RHBDD1: variants seen among roughly 807,000 people sequenced by gnomAD.
RHBDD1 encodes the protein rhomboid-related protein 4.
A neutral mutation model predicts 36.3 loss-of-function variants in RHBDD1; 38 were observed. That is an observed-to-expected ratio of 1.05 (90% CI 0.81 to 1.37). The LOEUF is 1.37. RHBDD1 is among the 40% of genes most tolerant of loss of function. The pLI, the probability that RHBDD1 is intolerant of heterozygous loss-of-function variation, is 0.00. For missense variants in RHBDD1, 393 were observed against 377.6 expected (o/e 1.04, Z -0.34); for synonymous variants, 151 against 136.5 (o/e 1.11, Z -0.74).
At chr2:226,892,578 G>C (rs1156723146) in intron 5 of RHBDD1, among the ~76,000 whole-genome samples, 1 of 152,184 alleles carries the variant, frequency 6.6e-6, no homozygotes, top group East Asian at 1.9e-4. Flanking sequence ...CATTTTCAAA[G>C]CTATACTTAA....
rs924104719 is a variant in RHBDD1 at position 226,956,207 on chromosome 2, C to T, written c.857-39224C>T. Among the ~76,000 whole-genome samples, 7 of 152,240 alleles carry T rather than the reference C, an allele frequency of 4.6e-5. No individual in the cohort carries two copies. In the South Asian group the frequency reaches 1.5e-3, roughly 32 times the overall value. On this transcript the variant is annotated intron_variant, in intron 8 of 8. Transcript: ENST00000392062. ...GGAGTCCCACTGTGAGTGAGTGGGA[C>T]TTGCTCAACTTGCTCCCACGCCCCA...
rs559498963 is a variant in RHBDD1, at chr2:226,873,116, G to A, written c.566+5798G>A. On this transcript the variant is annotated intron_variant, in intron 5 of 8. Transcript: ENST00000392062. Reference sequence around the variant, plus strand: ...CTGCCACAGGACACTTGAGAGTGCTGTGGGACCGCTGCTCTTGCATATCCT... The same window carrying A: ...CTGCCACAGGACACTTGAGAGTGCTATGGGACCGCTGCTCTTGCATATCCT... 7.2e-5 allele frequency among the ~76,000 whole-genome samples: 11 copies of A among 152,310 alleles called. No individual in the cohort carries two copies. The East Asian group carries it at 1.7e-3, about 24-fold the overall frequency.
At chr2:226,926,155 G>A (rs186831690) in intron 8 of RHBDD1, among the ~76,000 whole-genome samples, 14 of 151,820 alleles carry the variant, frequency 9.2e-5, no homozygotes, top group Middle Eastern at 3.4e-3. Flanking sequence ...CGAGGCGGGT[G>A]GATCATGATG....
intron 8 of RHBDD1, among the ~76,000 whole-genome samples, chr2:226,952,208 G>A (rs1005169127): frequency 6.6e-6 from 1 of 151,984 alleles, no homozygotes. Context: ...CAAAGTGAGA[G>A]GCCCACATTT....
intron 5 of RHBDD1, 24 bp from the exon 6 acceptor site, chr2:226,906,767 TCA>T (rs1310059771): frequency 6.2e-7 from 1 of 1,613,888 alleles, no homozygotes; most frequent in South Asian, 1.1e-5. Context: ...GAACAAACAC[TCA>T]CAAAGGGTCT....
intron 8 of RHBDD1, among the ~76,000 whole-genome samples, chr2:226,963,153 G>T (rs561563916): frequency 6.8e-6 from 1 of 147,672 alleles, no homozygotes; most frequent in Non-Finnish European, 1.5e-5. Context: ...ACCCCTGGTT[G>T]AGAACCGCTA....
intron 8 of RHBDD1, among the ~76,000 whole-genome samples, chr2:226,965,761 T>C (rs925188841): frequency 2.6e-5 from 4 of 152,034 alleles, no homozygotes; most frequent in Non-Finnish European, 4.4e-5. Flanking sequence ...TGTTGACTTT[T>C]AGGGATGGCA....
At chr2:226,983,472 A>C (rs1223563304) in intron 8 of RHBDD1, among the ~76,000 whole-genome samples, 1 of 152,152 alleles carries the variant, frequency 6.6e-6, no homozygotes, top group Non-Finnish European at 1.5e-5. Flanking sequence ...TTCTTTTCCC[A>C]GGCCCAACAG....
intron 8 of RHBDD1, among the ~76,000 whole-genome samples, chr2:226,950,398 A>G (rs147806302): frequency 6.6e-6 from 1 of 152,328 alleles, no homozygotes; most frequent in Non-Finnish European, 1.5e-5. Flanking sequence ...TTAAGGCTGA[A>G]TAGTATTCAT....
At chr2:226,862,846 A>T (rs1241224342) in intron 3 of RHBDD1, among the ~76,000 whole-genome samples, 1 of 152,232 alleles carries the variant, frequency 6.6e-6, no homozygotes, top group Non-Finnish European at 1.5e-5. Flanking sequence ...AAGGGGAGCT[A>T]GCATGTGCAG....
intron 5 of RHBDD1, among the ~76,000 whole-genome samples, chr2:226,888,339 A>C (rs748993723): frequency 1.3e-5 from 2 of 152,220 alleles, no homozygotes; most frequent in Non-Finnish European, 2.9e-5. Context: ...TACAGAAATT[A>C]GAATAGATCA....
intron 8 of RHBDD1, among the ~76,000 whole-genome samples, chr2:226,923,835 T>C (rs1949493278): frequency 6.6e-6 from 1 of 152,104 alleles, no homozygotes; most frequent in Non-Finnish European, 1.5e-5. Flanking sequence ...GAATTTCTTC[T>C]TGATTTGTTT....
At chr2:226,947,277 G>A (rs1418791066) in intron 8 of RHBDD1, among the ~76,000 whole-genome samples, 4 of 151,542 alleles carry the variant, frequency 2.6e-5, no homozygotes, top group Non-Finnish European at 5.9e-5. Flanking sequence ...ATTGATTTTT[G>A]TATAAGGTGT....
intron 3 of RHBDD1, among the ~76,000 whole-genome samples, chr2:226,843,802 G>C (rs953382692): frequency 2.0e-5 from 3 of 152,150 alleles, no homozygotes. Context: ...AGTTGGGGAG[G>C]AGTCATTCCT....
chr2:226,942,859 G>T (rs969398598), intron 8 of RHBDD1, among the ~76,000 whole-genome samples: 1 of 152,162 alleles, frequency 6.6e-6, no homozygotes, highest in African/African-American at 2.4e-5. Flanking sequence ...AAATGTGCTT[G>T]CATTAAGTGT....
At position 226,995,852 on chromosome 2, in the gene RHBDD1, G is replaced by A; in HGVS notation, c.*330G>A. On this transcript the variant is annotated 3_prime_UTR_variant, in exon 9 of 9. Transcript: ENST00000392062. ...TTGAAGACTGTGACCTTCACCAGGA[G>A]GTTTTACTTACACCAGTCGGGAAGA... 1 of 280,498 alleles carries A rather than the reference G, an allele frequency of 3.6e-6. No homozygotes were observed. The highest frequency in any genetic ancestry group is 6.6e-6 in the Non-Finnish European group (1 of 151,124). 17.4% of individuals were successfully genotyped at this position (280,498 alleles called of 1,614,324 possible).
At chr2:226,832,307 C>T (rs1399562131), upstream of RHBDD1, among the ~76,000 whole-genome samples, 1 of 152,202 alleles carries the variant, frequency 6.6e-6, no homozygotes, top group East Asian at 1.9e-4. Flanking sequence ...TTTCTATTGT[C>T]AATCCCTAAT....
intron 8 of RHBDD1, among the ~76,000 whole-genome samples, chr2:226,956,475 A>G (rs1213782269): frequency 6.6e-6 from 1 of 152,176 alleles, no homozygotes; most frequent in East Asian, 1.9e-4. Flanking sequence ...CCAGTCCCCA[A>G]GTTCTCCTGC....
chr2:226,829,100 T>C, the RHBDD1 span, among the ~76,000 whole-genome samples: 1 of 152,194 alleles, frequency 6.6e-6, no homozygotes, highest in African/African-American at 2.4e-5. Flanking sequence ...ATAGTTTTTT[T>C]CAGACATCCA....
Sources: gnomAD v4.1 joint callset for allele counts (sites outside exome capture counted in the v4.1 genomes callset) on GRCh38, gnomAD v4.1.1 for gene constraint, MANE v1.5 for transcripts, NCBI Gene and HGNC (gene_info 2026-07-23, HGNC 2026-07-21) for gene names.